DHRSX: variants seen among roughly 807,000 people sequenced by gnomAD.
DHRSX encodes the protein polyprenol dehydrogenase.
DHRSX carries 31 observed loss-of-function variants against 34.0 expected under a neutral mutation model. The ratio of observed to expected loss-of-function variants is 0.91; its 90% CI spans 0.69 to 1.23. The LOEUF (loss-of-function observed/expected upper bound fraction) is 1.23. Ranked by LOEUF, DHRSX falls within the 50% of genes most tolerant of loss-of-function variation. The probability of loss-of-function intolerance (pLI) is 0.00; values close to 1 mark genes in which losing one functional copy is unlikely to be tolerated. For synonymous variants in DHRSX, 201 were observed against 183.8 expected (o/e 1.09, Z -0.76); for missense variants, 414 against 428.1 (o/e 0.97, Z 0.29).
At chrX:2,285,315 C>G (rs1276472417) in intron 4 of DHRSX, among the ~76,000 whole-genome samples, 2 of 152,102 alleles carry the variant, frequency 1.3e-5, no homozygotes, top group Non-Finnish European at 2.9e-5. Flanking sequence ...TGATGGGAGA[C>G]AGTGACAGAT....
intron 3 of DHRSX, among the ~76,000 whole-genome samples, chrX:2,345,591 G>A (rs1256644433): frequency 6.7e-6 from 1 of 150,068 alleles, no homozygotes; most frequent in Non-Finnish European, 1.5e-5. Context: ...AAGTTGCATT[G>A]AGCCAAGATC....
chrX:2,315,625 C>T lies in DHRSX; in HGVS notation c.287-24022G>A, dbSNP rs1156531349. 7.2e-5 allele frequency among the ~76,000 whole-genome samples: 11 copies of T among 152,186 alleles called. No homozygotes were observed. The South Asian group carries it at 1.0e-3, about 14-fold the overall frequency. The stretch of plus-strand genomic sequence containing the variant: ...CCATCCATCTTAGCTAGCTCTGCTG[C>T]GTAACAAAACGCCCCAAACGTAGTA... On this transcript the variant is annotated intron_variant, in intron 3 of 6. Transcript: ENST00000334651.
chrX:2,358,921 C>A (rs1338477295), intron 3 of DHRSX, among the ~76,000 whole-genome samples: 3 of 150,820 alleles, frequency 2.0e-5, no homozygotes, highest in Non-Finnish European at 4.4e-5. Flanking sequence ...CGCACTCCAG[C>A]CTGGGCGACA....
At chrX:2,395,688 A>G (rs1406998820) in intron 3 of DHRSX, among the ~76,000 whole-genome samples, 2 of 151,922 alleles carry the variant, frequency 1.3e-5, no homozygotes, top group Non-Finnish European at 2.9e-5. Flanking sequence ...TGAGGCCAAC[A>G]CTTCAGAGTG....
At position 2,446,990 on chromosome X, in the gene DHRSX, C is replaced by T. The variant is rs1156567649; in HGVS notation, c.110-21686G>A. ...ATTCCCTAAGAATGCAGCCAAGGGACGGCACTGAAGACATTCCCTAGGCAT... is the reference window on the plus strand; with the variant it reads ...ATTCCCTAAGAATGCAGCCAAGGGATGGCACTGAAGACATTCCCTAGGCAT... On this transcript the variant is annotated intron_variant, in intron 1 of 6. Coordinates refer to ENST00000334651, the MANE Select transcript of DHRSX (RefSeq NM_145177.3). Among the ~76,000 whole-genome samples, 4 of 151,466 alleles carry T rather than the reference C, an allele frequency of 2.6e-5. No individual in the cohort carries two copies. The East Asian group carries it at 7.9e-4, about 30-fold the overall frequency.
At chrX:2,250,179 A>AAAC (rs2016404452) in intron 5 of DHRSX, among the ~76,000 whole-genome samples, 1 of 149,342 alleles carries the variant, frequency 6.7e-6, no homozygotes. Flanking sequence ...AAAAAAAAAA[A>AAAC]AATTAAGCAT....
At chrX:2,352,387 A>G (rs2042799026) in intron 3 of DHRSX, among the ~76,000 whole-genome samples, 1 of 152,154 alleles carries the variant, frequency 6.6e-6, no homozygotes, top group South Asian at 2.1e-4. Flanking sequence ...TAAAACTCCT[A>G]CGAGGCTGTC....
At chrX:2,423,224 C>A (rs2043803106) in intron 2 of DHRSX, among the ~76,000 whole-genome samples, 1 of 151,796 alleles carries the variant, frequency 6.6e-6, no homozygotes, top group South Asian at 2.1e-4. Flanking sequence ...ACCAGCCTGG[C>A]CAACAAAGCA....
At chrX:2,457,537 A>AC (rs2044319361) in intron 1 of DHRSX, among the ~76,000 whole-genome samples, 1 of 151,944 alleles carries the variant, frequency 6.6e-6, no homozygotes, top group Admixed American at 6.6e-5. Context: ...TGGCCAAGGG[A>AC]CCGCCACCAT....
chrX:2,357,505 T>A, intron 3 of DHRSX, among the ~76,000 whole-genome samples: 1 of 151,676 alleles, frequency 6.6e-6, no homozygotes, highest in Non-Finnish European at 1.5e-5. Flanking sequence ...CCTAAAAGCA[T>A]CAAGGGAGGA....
chrX:2,250,160 T>TC (rs2016403173), intron 5 of DHRSX, among the ~76,000 whole-genome samples: 2 of 46,966 alleles, frequency 4.3e-5, no homozygotes, highest in African/African-American at 1.1e-4. Context: ...AGACTCCATC[T>TC]CAAAAAAAAA....
At chrX:2,473,604 CAG>C (rs2044627839) in intron 1 of DHRSX, among the ~76,000 whole-genome samples, 1 of 141,862 alleles carries the variant, frequency 7.0e-6, no homozygotes, top group South Asian at 2.2e-4. Flanking sequence ...GCCTGGGTGA[CAG>C]GGTGACAGAG....
chrX:2,245,900 T>C (rs1451017534), intron 5 of DHRSX, among the ~76,000 whole-genome samples: 1 of 143,002 alleles, frequency 7.0e-6, no homozygotes. Flanking sequence ...AGGCAAAGGG[T>C]GCAGTGAGCT....
At chrX:2,256,015 CT>C (rs768032121) in intron 5 of DHRSX, among the ~76,000 whole-genome samples, 5,853 of 139,886 alleles carry the variant, frequency 0.042, 370 homozygotes, top group African/African-American at 0.14. Context: ...ATGTGTCCCT[CT>C]TTTTTTTTTT....
In DHRSX at chrX:2,356,066, CA is replaced by C. The variant is rs33996876; in HGVS notation, c.286+52678del. ...GGGCAACAAGTGCGAGACTCCGTCT[CA>C]AAAAAAAAAAAAAAAATACAATAAT... On this transcript the variant is annotated intron_variant, in intron 3 of 6. Transcript: ENST00000334651. Among the ~76,000 whole-genome samples the C allele has an allele frequency of 6.7e-3, 754 of 111,982 alleles. 3 individuals are homozygous for C. The highest frequency in any genetic ancestry group is 0.013 in the African/African-American group (375 of 28,270). 73.5% of individuals were successfully genotyped at this position (111,982 alleles called of 152,430 possible). A position where few individuals can be genotyped will look rare whatever the true frequency, so the allele number is the denominator to read the frequency against.
At chrX:2,374,246 T>C (rs903002938) in intron 3 of DHRSX, among the ~76,000 whole-genome samples, 3 of 152,210 alleles carry the variant, frequency 2.0e-5, no homozygotes, top group Non-Finnish European at 2.9e-5. Context: ...ATTTGGATTC[T>C]TGACAGAAGA....
chrX:2,462,669 A>T (rs1383171736), intron 1 of DHRSX, among the ~76,000 whole-genome samples: 2 of 152,166 alleles, frequency 1.3e-5, no homozygotes, highest in Non-Finnish European at 2.9e-5. Context: ...TTCCCCAGGT[A>T]CTGCAAACCA....
At chrX:2,310,563 A>T (rs868152813) in intron 3 of DHRSX, among the ~76,000 whole-genome samples, 173 of 136,828 alleles carry the variant, frequency 1.3e-3, no homozygotes, top group Middle Eastern at 8.3e-3. Flanking sequence ...TGTGTGTGTG[A>T]GAGAGAGAGA....
chrX:2,471,824 C>T (rs1183307311), intron 1 of DHRSX, among the ~76,000 whole-genome samples: 3 of 152,054 alleles, frequency 2.0e-5, no homozygotes, highest in Non-Finnish European at 2.9e-5. Context: ...GGTGCATATA[C>T]ACTATGGAAT....
Sources: allele counts gnomAD v4.1 joint callset (sites outside exome capture counted in the v4.1 genomes callset), GRCh38; gene constraint gnomAD v4.1.1; transcripts MANE v1.5; gene names NCBI Gene and HGNC (gene_info 2026-07-23, HGNC 2026-07-21).